The following FAM13A variants were observed in gnomAD, a reference collection of about 807,000 sequenced individuals.
The protein encoded by FAM13A is family with sequence similarity 13 member A.
In FAM13A, 76 loss-of-function variants were observed where a neutral mutation model predicts 129.6. The ratio of observed to expected loss-of-function variants is 0.59; its 90% confidence interval spans 0.49 to 0.71. The LOEUF is 0.71. Among genes scored for constraint, FAM13A ranks in the 30% least tolerant of loss-of-function variants. FAM13A has a pLI of 0.00. For synonymous variants in FAM13A, 443 were observed against 449.9 expected, an observed-to-expected ratio of 0.98 and a Z score of 0.20; for missense variants, 1,108 against 1,249.3, an observed-to-expected ratio of 0.89 and a Z score of 1.70.
At position 88,750,411 on chromosome 4, in the gene FAM13A, CAG is replaced by C. The variant is rs1742319854; in HGVS notation, c.1940+11_1940+12del. 2.5e-6 allele frequency: 4 copies of C among 1,604,242 alleles called. No homozygotes were observed. Among genetic ancestry groups the C allele is most frequent in the Non-Finnish European group, 2.6e-6 (3 of 1,170,910 alleles). ...ATGATGCATTTGTCTATCAGCAACA[CAG>C]AGAAACATACCTCATGAAAGAATGG... On this transcript the variant is annotated intron_variant, in intron 15 of 23. Transcript: ENST00000264344.
chr4:88,728,391 G>A lies in FAM13A; in HGVS notation c.*142C>T. On this transcript the variant is annotated 3_prime_UTR_variant, in exon 24 of 24. Transcript: ENST00000264344. ...TTTCTAAGGCAGGCAATGGAAACAG[G>A]AGCCGATGCCAAATGGTCTAGAGGC... 4.3e-6 allele frequency: 4 copies of A among 924,808 alleles called. No individual in the cohort carries two copies. Among genetic ancestry groups the A allele is most frequent in the South Asian group, 1.6e-5 (1 of 60,628 alleles). The allele number at this position is 924,808 out of a possible 1,614,324, so 57.3% of individuals were successfully genotyped here. A position where few individuals can be genotyped will look rare whatever the true frequency, so the allele number is the denominator to read the frequency against.
intron 7 of FAM13A, among the ~76,000 whole-genome samples, chr4:88,840,738 A>C (rs549512636): frequency 4.7e-4 from 71 of 152,208 alleles, no homozygotes; most frequent in Admixed American, 5.9e-4. Context: ...TTGTAGATCT[A>C]AATCATGCTC....
chr4:89,014,050 C>A (rs1230909278), intron 3 of FAM13A, among the ~76,000 whole-genome samples: 1 of 152,156 alleles, frequency 6.6e-6, no homozygotes, highest in Non-Finnish European at 1.5e-5. Context: ...TGTGCCTGAG[C>A]TGCTGGGGTA....
chr4:88,894,514 A>AT (rs1192513904), intron 6 of FAM13A, among the ~76,000 whole-genome samples: 3 of 152,122 alleles, frequency 2.0e-5, no homozygotes, highest in Non-Finnish European at 4.4e-5. Context: ...CATGGAAATG[A>AT]TAAGTATTAA....
At chr4:88,907,249 T>C (rs1458950030) in intron 5 of FAM13A, among the ~76,000 whole-genome samples, 1 of 152,134 alleles carries the variant, frequency 6.6e-6, no homozygotes, top group African/African-American at 2.4e-5. Context: ...AAAAGGAAAA[T>C]TATAGGCAAC....
intron 6 of FAM13A, among the ~76,000 whole-genome samples, chr4:88,891,203 G>A (rs1374268667): frequency 3.3e-5 from 5 of 152,124 alleles, no homozygotes; most frequent in Non-Finnish European, 5.9e-5. Flanking sequence ...CAGGTGGATC[G>A]CTTGAGCTTA....
chr4:89,031,765 C>T (rs1212150640), intron 1 of FAM13A, among the ~76,000 whole-genome samples: 1 of 152,144 alleles, frequency 6.6e-6, no homozygotes, highest in African/African-American at 2.4e-5. Context: ...ATTCTGATGA[C>T]CTAATAACTA....
chr4:88,932,935 T>C (rs1224569314), intron 5 of FAM13A, among the ~76,000 whole-genome samples: 1 of 152,226 alleles, frequency 6.6e-6, no homozygotes, highest in Non-Finnish European at 1.5e-5. Context: ...ATTTAAATTT[T>C]AAACCCAAAA....
chr4:88,954,392 C>A (rs554159505), intron 4 of FAM13A, among the ~76,000 whole-genome samples: 10 of 152,272 alleles, frequency 6.6e-5, no homozygotes, highest in African/African-American at 1.7e-4. Context: ...TCCATAAATC[C>A]GTCCTTTCAT....
intron 5 of FAM13A, among the ~76,000 whole-genome samples, chr4:88,923,413 A>C (rs1038038153): frequency 2.6e-5 from 4 of 152,238 alleles, no homozygotes; most frequent in African/African-American, 9.6e-5. Flanking sequence ...CAAATCAATA[A>C]ATGTAATCCA....
At chr4:88,874,668 A>T (rs2150095427) in intron 6 of FAM13A, among the ~76,000 whole-genome samples, 1 of 152,368 alleles carries the variant, frequency 6.6e-6, no homozygotes, top group African/African-American at 2.4e-5. Flanking sequence ...AGAACATTCC[A>T]TGCTCATGCA....
intron 4 of FAM13A, among the ~76,000 whole-genome samples, chr4:88,969,465 G>C (rs1017358477): frequency 8.5e-5 from 13 of 152,124 alleles, no homozygotes; most frequent in African/African-American, 3.1e-4. Flanking sequence ...CTCATAGACA[G>C]GTTCAGGTAG....
At chr4:88,918,984 C>T (rs1750564235) in intron 5 of FAM13A, among the ~76,000 whole-genome samples, 1 of 152,206 alleles carries the variant, frequency 6.6e-6, no homozygotes, top group Non-Finnish European at 1.5e-5. Context: ...ACCCACTGTA[C>T]TGCAAAGTGA....
At chr4:88,923,068 A>G (rs955456210) in intron 5 of FAM13A, among the ~76,000 whole-genome samples, 8 of 152,174 alleles carry the variant, frequency 5.3e-5, no homozygotes, top group African/African-American at 1.7e-4. Flanking sequence ...ATAGCTTACC[A>G]ACCAAAAAGG....
At chr4:88,912,912 T>C (rs1579243276) in intron 5 of FAM13A, among the ~76,000 whole-genome samples, 1 of 151,744 alleles carries the variant, frequency 6.6e-6, no homozygotes, top group Admixed American at 6.6e-5. Context: ...GCCCAAGAGG[T>C]CCAGCCTGCA....
At chr4:88,832,931 T>C (rs1348184105) in intron 7 of FAM13A, among the ~76,000 whole-genome samples, 1 of 152,154 alleles carries the variant, frequency 6.6e-6, no homozygotes, top group East Asian at 1.9e-4. Flanking sequence ...CATGCACATG[T>C]ATGTTCACCA....
intron 6 of FAM13A, among the ~76,000 whole-genome samples, chr4:88,895,392 T>A (rs1268892102): frequency 6.6e-6 from 1 of 151,792 alleles, no homozygotes; most frequent in Non-Finnish European, 1.5e-5. Flanking sequence ...CCAAAAGCAA[T>A]GGCAACAAAA....
intron 3 of FAM13A, among the ~76,000 whole-genome samples, chr4:88,998,514 T>C (rs1763848799): frequency 6.6e-6 from 1 of 152,186 alleles, no homozygotes; most frequent in Non-Finnish European, 1.5e-5. Context: ...CCTGAATTAA[T>C]CAATCAATAA....
intron 15 of FAM13A, among the ~76,000 whole-genome samples, 170 bp from the exon 16 acceptor site, chr4:88,750,079 G>A (rs746487553): frequency 6.6e-6 from 1 of 152,192 alleles, no homozygotes; most frequent in Non-Finnish European, 1.5e-5. Flanking sequence ...ATCCATTGGA[G>A]CTTGGTATGT....
Sources: gnomAD v4.1 joint callset for allele counts (sites outside exome capture counted in the v4.1 genomes callset) on GRCh38, gnomAD v4.1.1 for gene constraint, MANE v1.5 for transcripts, NCBI Gene and HGNC (gene_info 2026-07-23, HGNC 2026-07-21) for gene names.